Variants in ENOPH1 observed in about 807,000 individuals in gnomAD.
ENOPH1 encodes the protein enolase-phosphatase E1.
A neutral mutation model predicts 31.1 loss-of-function variants in ENOPH1; 14 were observed. The ratio of observed to expected loss-of-function variants is 0.45; its 90% confidence interval spans 0.30 to 0.70. ENOPH1 has a LOEUF of 0.70. ENOPH1 is among the 30% of genes least tolerant of loss of function. The pLI is 0.09. For synonymous variants in ENOPH1, 127 were observed against 123.2 expected (o/e 1.03, Z -0.21); for missense variants, 243 against 321.5 (o/e 0.76, Z 1.87).
At chr4:82,430,958 AGTT>A (rs753975247) in intron 1 of ENOPH1, 45 bp downstream of exon 1, 1 of 1,565,642 alleles carries the variant, frequency 6.4e-7, no homozygotes, top group Non-Finnish European at 8.8e-7. Flanking sequence ...CCTTAAAAAC[AGTT>A]ATTATTTTTT....
chr4:82,443,768 GTTGT>G (rs1047628928), intron 1 of ENOPH1, among the ~76,000 whole-genome samples: 20 of 151,924 alleles, frequency 1.3e-4, no homozygotes, highest in African/African-American at 4.8e-4. Context: ...TTGCTTTTGT[GTTGT>G]TTAATTTGTT....
rs1453732232 is a variant in ENOPH1 at position 82,434,993 on chromosome 4, T to G, written c.84+4080T>G. On this transcript the variant is annotated intron_variant, in intron 1 of 5. Transcript: ENST00000273920. ...GAGGATCATCAAAATTTGTTGGGAGTAGAGCTGCAGCAGAGCCCAGTTTTC... is the reference window on the plus strand; with the variant it reads ...GAGGATCATCAAAATTTGTTGGGAGGAGAGCTGCAGCAGAGCCCAGTTTTC... Among the ~76,000 whole-genome samples, 5 of 151,932 alleles carry G rather than the reference T, an allele frequency of 3.3e-5. No individual in the cohort carries two copies. In the South Asian group the frequency reaches 8.3e-4, roughly 25 times the overall value.
chr4:82,435,123 G>A (rs1055565567), intron 1 of ENOPH1, among the ~76,000 whole-genome samples: 1 of 152,054 alleles, frequency 6.6e-6, no homozygotes, highest in Non-Finnish European at 1.5e-5. Context: ...TTTTTCTGAA[G>A]CAGGGTCAGG....
chr4:82,447,581 A>G (rs775718463), intron 1 of ENOPH1, among the ~76,000 whole-genome samples: 56 of 152,334 alleles, frequency 3.7e-4, no homozygotes, highest in Non-Finnish European at 6.6e-4. Flanking sequence ...TGCAGGCCCT[A>G]TGGTCTTGGT....
At chr4:82,439,096 C>A (rs545865773) in intron 1 of ENOPH1, among the ~76,000 whole-genome samples, 1 of 152,264 alleles carries the variant, frequency 6.6e-6, no homozygotes, top group South Asian at 2.1e-4. Context: ...CTCCTGGATC[C>A]TCTCTGGACC....
chr4:82,447,198 CTGG>C (rs1722217914), intron 1 of ENOPH1, among the ~76,000 whole-genome samples: 1 of 151,610 alleles, frequency 6.6e-6, no homozygotes, highest in Non-Finnish European at 1.5e-5. Context: ...GTTGGCCAGG[CTGG>C]TCTCAAACTC....
In ENOPH1 at chr4:82,460,216, T is replaced by TA; in HGVS notation, c.*97dup. On this transcript the variant is annotated 3_prime_UTR_variant, in exon 6 of 6. Coordinates refer to ENST00000273920, the MANE Select transcript of ENOPH1 (RefSeq NM_021204.5). Reference sequence around the variant, plus strand: ...GTAAAAGTAACTTACTTAAAAAACATATGTACACATATGTATGCAAGTATG... The same window carrying TA: ...GTAAAAGTAACTTACTTAAAAAACATAATGTACACATATGTATGCAAGTATG... The TA allele has an allele frequency of 8.2e-7, 1 of 1,216,396 alleles. No individual in the cohort carries two copies. The highest frequency in any genetic ancestry group is 1.2e-6 in the Non-Finnish European group (1 of 844,980). 75.4% of individuals were successfully genotyped at this position (1,216,396 alleles called of 1,614,324 possible).
intron 2 of ENOPH1, among the ~76,000 whole-genome samples, chr4:82,449,643 C>T (rs927944866): frequency 6.6e-6 from 1 of 152,166 alleles, no homozygotes; most frequent in Non-Finnish European, 1.5e-5. Flanking sequence ...CAGTCACCTC[C>T]CACTAGGCCT....
chr4:82,439,375 G>A (rs1405269270), intron 1 of ENOPH1, among the ~76,000 whole-genome samples: 1 of 152,154 alleles, frequency 6.6e-6, no homozygotes, highest in Non-Finnish European at 1.5e-5. Context: ...TGAGACCTTG[G>A]TGGGACTTTG....
At chr4:82,452,900 CTTTTT>C (rs761337281) in intron 3 of ENOPH1, among the ~76,000 whole-genome samples, 1 of 115,920 alleles carries the variant, frequency 8.6e-6, no homozygotes, top group Non-Finnish European at 1.8e-5. Flanking sequence ...CTGAGAAATT[CTTTTT>C]TTTTTTTTTT....
intron 2 of ENOPH1, among the ~76,000 whole-genome samples, chr4:82,449,587 G>A (rs1009088262): frequency 6.6e-6 from 1 of 152,158 alleles, no homozygotes; most frequent in African/African-American, 2.4e-5. Flanking sequence ...GCATCAAGGA[G>A]GATGGTGCTA....
At position 82,434,838 on chromosome 4, in the gene ENOPH1, C is replaced by T. The variant is rs186090327; in HGVS notation, c.84+3925C>T. 1.5e-3 allele frequency among the ~76,000 whole-genome samples: 219 copies of T among 150,868 alleles called. 1 individual carries two copies. Among genetic ancestry groups the T allele is most frequent in the African/African-American group, 5.3e-3 (216 of 41,014 alleles). On this transcript the variant is annotated intron_variant, in intron 1 of 5. Transcript: ENST00000273920. The stretch of plus-strand genomic sequence containing the variant: ...GGGAGAATCGCTTGTACCTGGGAGG[C>T]GGAGGTTGCAGTGAGCCGAGATCGT...
Position 82,454,622 on chromosome 4 carries a change from T to C in ENOPH1, c.390-100T>C, listed in dbSNP as rs1722435521. On this transcript the variant is annotated intron_variant, in intron 3 of 5. Coordinates refer to ENST00000273920, the MANE Select transcript of ENOPH1 (RefSeq NM_021204.5). ...CAGGGAGCTGCTTCTCAGGTTACCA[T>C]GTGGGCACAAAGAGAGAAACATATG... The C allele has an allele frequency of 4.5e-6, 6 of 1,331,180 alleles. No homozygotes were observed. The Admixed American group carries it at 1.4e-4, about 32-fold the overall frequency. 82.5% of individuals were successfully genotyped at this position (1,331,180 alleles called of 1,614,324 possible).
intron 2 of ENOPH1, among the ~76,000 whole-genome samples, chr4:82,450,173 G>A (rs975183389): frequency 7.2e-5 from 11 of 152,126 alleles, no homozygotes; most frequent in Non-Finnish European, 1.5e-4. Flanking sequence ...GATAACTCAG[G>A]GTTAATCTGA....
At chr4:82,451,323 C>T (rs779526360) in intron 3 of ENOPH1, 78 bp downstream of exon 3, 24 of 1,373,690 alleles carry the variant, frequency 1.7e-5, no homozygotes, top group Non-Finnish European at 2.5e-5. Flanking sequence ...CTCTTTCCAG[C>T]GTAAGTCACA....
chr4:82,432,644 C>CGTTTTGTTTTGTTTTGTTTTGTTTT lies in ENOPH1; in HGVS notation c.84+1736_84+1760dup, dbSNP rs57944208. ...ACCATGGCACCCGGCCTCTTCCCCA[C>CGTTTTGTTTTGTTTTGTTTTGTTTT]GTTTTGTTTTGTTTTGTTTTGTTTT... On this transcript the variant is annotated intron_variant, in intron 1 of 5. Coordinates refer to ENST00000273920, the MANE Select transcript of ENOPH1 (RefSeq NM_021204.5). 4.6e-3 allele frequency among the ~76,000 whole-genome samples: 700 copies of CGTTTTGTTTTGTTTTGTTTTGTTTT among 151,340 alleles called. 6 individuals carry two copies. Among genetic ancestry groups the CGTTTTGTTTTGTTTTGTTTTGTTTT allele is most frequent in the Middle Eastern group, 0.01 (3 of 294 alleles).
intron 3 of ENOPH1, 53 bp downstream of exon 3, chr4:82,451,298 T>C: frequency 6.4e-7 from 1 of 1,551,958 alleles, no homozygotes; most frequent in Admixed American, 1.7e-5. Context: ...CCAAATATGT[T>C]TTTTCACCAG....
intron 1 of ENOPH1, among the ~76,000 whole-genome samples, chr4:82,433,639 C>T (rs990597148): frequency 6.6e-6 from 1 of 152,270 alleles, no homozygotes; most frequent in South Asian, 2.1e-4. Context: ...AAAAAGGATT[C>T]CATTAAATGC....
Position 82,443,144 on chromosome 4 carries a change from A to C in ENOPH1, c.85-4776A>C, listed in dbSNP as rs890207025. Among the ~76,000 whole-genome samples the C allele has an allele frequency of 4.5e-4, 68 of 152,064 alleles. 1 individual carries two copies. Among genetic ancestry groups the C allele is most frequent in the Non-Finnish European group, 2.9e-5 (2 of 68,004 alleles). On this transcript the variant is annotated intron_variant, in intron 1 of 5. Transcript: ENST00000273920. ...ATGTTAGAGAATAAAAAGCAACATA[A>C]ATTTATGTGGGGCCGGTCATGGTGG...
Sources: gnomAD v4.1 joint callset for allele counts (sites outside exome capture counted in the v4.1 genomes callset) on GRCh38, gnomAD v4.1.1 for gene constraint, MANE v1.5 for transcripts, NCBI Gene and HGNC (gene_info 2026-07-23, HGNC 2026-07-21) for gene names.